The following ZMIZ1 variants were observed in gnomAD, a reference collection of about 807,000 sequenced individuals.
The protein encoded by ZMIZ1 is zinc finger MIZ-type containing 1.
Under a neutral mutation model 113.9 loss-of-function variants are expected in ZMIZ1, and 17 were observed. That is an observed-to-expected ratio of 0.15 (90% CI 0.10 to 0.22). The LOEUF (loss-of-function observed/expected upper bound fraction) is 0.22, where lower values mean the gene tolerates loss of function less well. Among genes scored for constraint, ZMIZ1 ranks in the 10% least tolerant of loss-of-function variants. The probability of loss-of-function intolerance (pLI) is 1.00; values close to 1 mark genes in which losing one functional copy is unlikely to be tolerated. For synonymous variants in ZMIZ1, 607 were observed against 603.1 expected (o/e 1.01, Z -0.09); for missense variants, 1,059 against 1,477.8 (o/e 0.72, Z 4.65).
At chr10:79,310,074 C>T (rs911914912) in intron 23 of ZMIZ1, among the ~76,000 whole-genome samples, 2 of 152,140 alleles carry the variant, frequency 1.3e-5, no homozygotes, top group Non-Finnish European at 2.9e-5. Flanking sequence ...CAGGAGGGTG[C>T]GAGTCCTCTA....
At chr10:79,279,164 G>A (rs1447991775) in intron 8 of ZMIZ1, among the ~76,000 whole-genome samples, 1 of 151,260 alleles carries the variant, frequency 6.6e-6, no homozygotes, top group Non-Finnish European at 1.5e-5. Flanking sequence ...CCGACCTCCC[G>A]GACGGGGCAG....
chr10:79,247,262 G>C (rs573903429), intron 7 of ZMIZ1, among the ~76,000 whole-genome samples: 1 of 152,224 alleles, frequency 6.6e-6, no homozygotes, highest in Non-Finnish European at 1.5e-5. Flanking sequence ...GTCCTCTAGA[G>C]GGAGAAAATG....
chr10:79,212,392 A>C (rs1402723809), intron 6 of ZMIZ1, among the ~76,000 whole-genome samples: 3 of 151,922 alleles, frequency 2.0e-5, no homozygotes, highest in African/African-American at 7.3e-5. Context: ...GATGGTCTCA[A>C]ACTCCTGGGT....
In ZMIZ1 at chr10:79,241,000, C is replaced by T. The variant is rs538422505; in HGVS notation, c.280+24726C>T. On this transcript the variant is annotated intron_variant, in intron 7 of 24. Transcript: ENST00000334512. ...ATTTGGAAGTCCCAAACATGCGGGTCTTTGGTGGCTCAGAAAGCACTAAGG... is the reference window on the plus strand; with the variant it reads ...ATTTGGAAGTCCCAAACATGCGGGTTTTTGGTGGCTCAGAAAGCACTAAGG... Among the ~76,000 whole-genome samples, 3 of 152,244 alleles carry T rather than the reference C, an allele frequency of 2.0e-5. No individual in the cohort carries two copies. The East Asian group carries it at 5.8e-4, about 29-fold the overall frequency.
chr10:79,073,098 G>A (rs1392517945), intron 1 of ZMIZ1, among the ~76,000 whole-genome samples: 1 of 152,180 alleles, frequency 6.6e-6, no homozygotes, highest in African/African-American at 2.4e-5. Context: ...CCCTATTACC[G>A]GAGGAGATGG....
intron 7 of ZMIZ1, among the ~76,000 whole-genome samples, chr10:79,238,189 G>T (rs1453758341): frequency 6.6e-6 from 1 of 152,150 alleles, no homozygotes; most frequent in Non-Finnish European, 1.5e-5. Context: ...AGCCTGGCAG[G>T]ATGCTTTCCT....
At chr10:79,211,255 G>A (rs1259023554) in intron 6 of ZMIZ1, among the ~76,000 whole-genome samples, 1 of 152,196 alleles carries the variant, frequency 6.6e-6, no homozygotes, top group Non-Finnish European at 1.5e-5. Context: ...GGGAGCAGGA[G>A]CAGCTTACCC....
At chr10:79,123,588 G>A (rs1423635695) in intron 2 of ZMIZ1, among the ~76,000 whole-genome samples, 1 of 152,184 alleles carries the variant, frequency 6.6e-6, no homozygotes, top group Non-Finnish European at 1.5e-5. Flanking sequence ...TTAAGAGAAG[G>A]TGGAGAGGGA....
At chr10:79,199,947 ACAGGCAGACAGG>A (rs1458049735) in intron 4 of ZMIZ1, among the ~76,000 whole-genome samples, 1 of 152,214 alleles carries the variant, frequency 6.6e-6, no homozygotes, top group South Asian at 2.1e-4. Context: ...TAGAAGGCAG[ACAGGCAGACAGG>A]CAGGCAGACA....
chr10:79,303,506 C>T (rs921133890), intron 18 of ZMIZ1, among the ~76,000 whole-genome samples: 1 of 143,702 alleles, frequency 7.0e-6, no homozygotes, highest in African/African-American at 2.5e-5. Context: ...GGCTTGGAGT[C>T]CCCTTTGAAG....
At chr10:79,246,669 C>T (rs1850219721) in intron 7 of ZMIZ1, among the ~76,000 whole-genome samples, 1 of 152,208 alleles carries the variant, frequency 6.6e-6, no homozygotes, top group South Asian at 2.1e-4. Flanking sequence ...GCTGGGCCTC[C>T]CTCGCCCTCC....
chr10:79,202,943 G>A (rs1164682598), intron 5 of ZMIZ1, among the ~76,000 whole-genome samples: 1 of 152,246 alleles, frequency 6.6e-6, no homozygotes, highest in Admixed American at 6.5e-5. Context: ...TTTGTCAAAT[G>A]GGGCCTACCT....
chr10:79,293,933 T>C (rs1328281910), intron 12 of ZMIZ1: 1 of 553,168 alleles, frequency 1.8e-6, no homozygotes, highest in East Asian at 3.0e-5. Flanking sequence ...GTGCCGCCAC[T>C]CAGCAAGCAG....
intron 7 of ZMIZ1, among the ~76,000 whole-genome samples, chr10:79,245,506 C>G (rs1850138517): frequency 6.6e-6 from 1 of 152,068 alleles, no homozygotes; most frequent in Admixed American, 6.5e-5. Context: ...TGTGTTTTCC[C>G]CATTGGAGTT....
intron 7 of ZMIZ1, among the ~76,000 whole-genome samples, chr10:79,254,664 G>A (rs996481230): frequency 1.4e-4 from 21 of 152,240 alleles, no homozygotes; most frequent in African/African-American, 5.1e-4. Context: ...GATATTCCAT[G>A]CCATGGGTCC....
Position 79,291,128 on chromosome 10 carries a change from G to A in ZMIZ1, c.710G>A (p.Ser237Asn), listed in dbSNP as rs929853521. Residue 237 changes from serine to asparagine, a missense_variant, in exon 10 of 25, where the codon AGC becomes AAC. Physicochemically the swap from Ser to Asn is conservative, Grantham distance 46. This residue lies in a region of ZMIZ1 where 272 missense variants were observed against 350.4 expected (regional missense o/e 0.78). Transcript: ENST00000334512. ...CCCGCTCAGCCCTACATCCAGCAGA[G>A]CATGTATGGCCGGCCCAACTACCCC... ...AGPAQPYIQQ[S>N]MYGRPNYPGS... The A allele has an allele frequency of 1.1e-5, 17 of 1,613,904 alleles. No individual in the cohort carries two copies. Among genetic ancestry groups the A allele is most frequent in the Non-Finnish European group, 1.4e-5 (17 of 1,179,856 alleles).
At chr10:79,308,916 A>T (rs1399247628) in intron 23 of ZMIZ1, among the ~76,000 whole-genome samples, 1 of 152,140 alleles carries the variant, frequency 6.6e-6, no homozygotes, top group Non-Finnish European at 1.5e-5. Flanking sequence ...CGCTGCCTGC[A>T]TTCTGTGTGG....
In ZMIZ1 at chr10:79,296,205, C is replaced by T; in HGVS notation, c.1231-266C>T. The T allele has an allele frequency of 5.6e-6, 3 of 540,090 alleles. No homozygotes were observed. The South Asian group carries it at 6.3e-5, about 11-fold the overall frequency. The allele number at this position is 540,090 out of a possible 1,614,324, so 33.5% of individuals were successfully genotyped here. ...CCCTCATAATGGTGTGAGCAAGAGG[C>T]TCTGAAAGTGTCCCTGGAGTTCAGG... On this transcript the variant is annotated intron_variant, in intron 12 of 24. Transcript: ENST00000334512. This position sits in a 1 kb window ranked among gnomAD's most constrained non-coding sequence, Gnocchi z 4.1.
At chr10:79,201,499 G>GT (rs1848078191) in intron 4 of ZMIZ1, 85 bp from the exon 5 acceptor site, 4 of 999,630 alleles carry the variant, frequency 4.0e-6, no homozygotes, top group Non-Finnish European at 6.1e-6. Context: ...ACCTGCCAGT[G>GT]TTGTGGCCAG....
Sources: allele counts gnomAD v4.1 joint callset (sites outside exome capture counted in the v4.1 genomes callset), GRCh38; gene constraint gnomAD v4.1.1; regional missense constraint gnomAD v4.1.1; non-coding constraint Gnocchi (gnomAD v3.1); transcripts MANE v1.5; gene names NCBI Gene and HGNC (gene_info 2026-07-23, HGNC 2026-07-21).